CSMD3: variants seen among roughly 807,000 people sequenced by gnomAD.
CSMD3 encodes CUB and sushi domain-containing protein 3.
CSMD3 carries 177 observed loss-of-function variants against 435.2 expected under a neutral mutation model. The ratio of observed to expected loss-of-function variants is 0.41; its 90% CI spans 0.36 to 0.46. The LOEUF is 0.46. CSMD3 is among the 20% of genes least tolerant of loss of function. The pLI, the probability that CSMD3 is intolerant of heterozygous loss-of-function variation, is 0.34. For missense variants in CSMD3, 4,265 were observed against 4,504.6 expected, an observed-to-expected ratio of 0.95 and a Z score of 1.52; for synonymous variants, 1,656 against 1,520.5, an observed-to-expected ratio of 1.09 and a Z score of -2.07.
At chr8:112,353,815 C>T (rs1016943078) in intron 38 of CSMD3, among the ~76,000 whole-genome samples, 4 of 152,168 alleles carry the variant, frequency 2.6e-5, no homozygotes, top group Admixed American at 2.0e-4. Flanking sequence ...TACAAAAATT[C>T]AATGAGAAGG....
chr8:112,352,144 T>C (rs1826189064), intron 39 of CSMD3, among the ~76,000 whole-genome samples: 1 of 152,136 alleles, frequency 6.6e-6, no homozygotes, highest in Admixed American at 6.5e-5. Context: ...TAAAAGACTT[T>C]AATCTAATTA....
intron 32 of CSMD3, among the ~76,000 whole-genome samples, chr8:112,417,222 T>C (rs1325190505): frequency 6.6e-6 from 1 of 152,198 alleles, no homozygotes; most frequent in Admixed American, 6.5e-5. Context: ...AGGTATTTCA[T>C]AAAATTGCTT....
chr8:112,550,036 A>G (rs1162092643), intron 27 of CSMD3, among the ~76,000 whole-genome samples: 2 of 152,058 alleles, frequency 1.3e-5, no homozygotes, highest in Non-Finnish European at 2.9e-5. Context: ...TATTCATTTT[A>G]TCCATCAACT....
intron 6 of CSMD3, chr8:113,018,703 T>G: frequency 4.5e-6 from 1 of 221,420 alleles, no homozygotes; most frequent in Non-Finnish European, 9.1e-6. Flanking sequence ...CATATGGAGG[T>G]GAGTTTCGAT....
chr8:113,051,571 TACAA>T (rs1331589172), intron 5 of CSMD3, among the ~76,000 whole-genome samples: 3 of 152,168 alleles, frequency 2.0e-5, no homozygotes, highest in Non-Finnish European at 4.4e-5. Context: ...ACTTAGAATA[TACAA>T]ACAGATATTT....
chr8:113,086,229 A>G (rs2131480936), intron 5 of CSMD3, among the ~76,000 whole-genome samples: 1 of 151,792 alleles, frequency 6.6e-6, no homozygotes, highest in Admixed American at 6.6e-5. Context: ...AGCCTGGGCA[A>G]CAAAGCGAGA....
At chr8:113,310,538 T>C (rs2093859514) in intron 2 of CSMD3, 1 of 151,696 alleles carries the variant, frequency 6.6e-6, no homozygotes, top group Non-Finnish European at 1.5e-5. Flanking sequence ...AGACAAAAAA[T>C]AAATTACAGG....
chr8:112,233,484 A>C (rs1467627055), intron 68 of CSMD3, among the ~76,000 whole-genome samples: 3 of 152,332 alleles, frequency 2.0e-5, no homozygotes, highest in South Asian at 2.1e-4. Context: ...GATTTGACTC[A>C]GTTCCCAACT....
At chr8:112,860,441 A>G (rs1302649435) in intron 10 of CSMD3, among the ~76,000 whole-genome samples, 1 of 151,568 alleles carries the variant, frequency 6.6e-6, no homozygotes, top group East Asian at 1.9e-4. Flanking sequence ...TTCTTCCCTT[A>G]CCATTATTTG....
chr8:112,927,470 A>G (rs1485337938), intron 9 of CSMD3, among the ~76,000 whole-genome samples: 1 of 152,058 alleles, frequency 6.6e-6, no homozygotes, highest in Non-Finnish European at 1.5e-5. Flanking sequence ...ACTATTAATT[A>G]TTCCTTCTTT....
intron 4 of CSMD3, among the ~76,000 whole-genome samples, chr8:113,114,556 G>C (rs1353813788): frequency 6.6e-6 from 1 of 152,114 alleles, no homozygotes; most frequent in Non-Finnish European, 1.5e-5. Flanking sequence ...CTAGGCAAAA[G>C]ATAAAGAAGA....
rs763559261 is a variant in CSMD3 at position 113,277,079 on chromosome 8, T to TA, written c.514+1512dup. On this transcript the variant is annotated intron_variant, in intron 3 of 70. Coordinates refer to ENST00000297405, the MANE Select transcript of CSMD3 (RefSeq NM_198123.2). ...TACTTCCTGAAAGCTTAAACTAATC[T>TA]AAAAATATCTTTATATTTTGATGAA... Among the ~76,000 whole-genome samples the TA allele has an allele frequency of 1.5e-4, 23 of 152,158 alleles. No homozygotes were observed. In the Middle Eastern group the frequency reaches 0.017, roughly 113 times the overall value.
intron 2 of CSMD3, chr8:113,311,291 T>A (rs901496055): frequency 4.6e-5 from 7 of 152,076 alleles, no homozygotes; most frequent in African/African-American, 1.7e-4. Context: ...TAATAAAAAA[T>A]AACTTACAGA....
intron 32 of CSMD3, among the ~76,000 whole-genome samples, chr8:112,428,686 A>T (rs547934596): frequency 6.6e-6 from 1 of 151,828 alleles, no homozygotes; most frequent in African/African-American, 2.4e-5. Flanking sequence ...CATTCATGTG[A>T]CTCTTTACTT....
At chr8:112,888,400 C>G (rs2081673665) in intron 10 of CSMD3, among the ~76,000 whole-genome samples, 2 of 151,614 alleles carry the variant, frequency 1.3e-5, no homozygotes, top group South Asian at 2.1e-4. Context: ...AATTACCTGT[C>G]TTAGACTACG....
At chr8:113,407,047 A>G (rs2094535954) in intron 1 of CSMD3, among the ~76,000 whole-genome samples, 1 of 152,166 alleles carries the variant, frequency 6.6e-6, no homozygotes, top group Admixed American at 6.5e-5. Context: ...AGACTACAAA[A>G]GTTAGAAGAG....
Position 112,778,906 on chromosome 8 carries a change from T to C in CSMD3, c.1972+21256A>G, listed in dbSNP as rs139306672. Among the ~76,000 whole-genome samples the C allele has an allele frequency of 5.5e-4, 84 of 152,138 alleles. 1 individual carries two copies. Among genetic ancestry groups the C allele is most frequent in the South Asian group, 5.4e-3 (26 of 4,828 alleles). ...GGTAGCTAGTACTATCTCATTGTTT[T>C]AATTTGCAATTCCCTAATGACATAT... On this transcript the variant is annotated intron_variant, in intron 13 of 70. Transcript: ENST00000297405.
At chr8:112,378,083 C>T (rs1829120191) in intron 38 of CSMD3, among the ~76,000 whole-genome samples, 2 of 151,916 alleles carry the variant, frequency 1.3e-5, no homozygotes, top group Admixed American at 6.6e-5. Context: ...TGATAAGATC[C>T]TAAATGCAGA....
chr8:112,824,538 G>C (rs1457213909), intron 12 of CSMD3, among the ~76,000 whole-genome samples: 2 of 152,018 alleles, frequency 1.3e-5, no homozygotes, highest in Non-Finnish European at 2.9e-5. Context: ...CTTTTGAAAG[G>C]GTTTTATTTC....
Sources: allele counts gnomAD v4.1 joint callset (sites outside exome capture counted in the v4.1 genomes callset), GRCh38; gene constraint gnomAD v4.1.1; transcripts MANE v1.5; gene names NCBI Gene and HGNC (gene_info 2026-07-23, HGNC 2026-07-21).